The following ANO10 variants were observed in gnomAD, a reference collection of about 807,000 sequenced individuals.
ANO10 encodes anoctamin-10.
In ANO10, 77 loss-of-function variants were observed where a neutral mutation model predicts 74.7. The observed-to-expected ratio is 1.03, with a 90% CI of 0.86 to 1.25. The LOEUF is 1.25. Ranked by LOEUF, ANO10 falls within the 50% of genes most tolerant of loss-of-function variation. The pLI, the probability that ANO10 is intolerant of heterozygous loss-of-function variation, is 0.00. For missense variants in ANO10, 721 were observed against 778.1 expected (o/e 0.93, Z 0.87); for synonymous variants, 279 against 284.9 (o/e 0.98, Z 0.21).
intron 11 of ANO10, among the ~76,000 whole-genome samples, chr3:43,511,473 GA>G (rs2077506265): frequency 6.6e-6 from 1 of 152,198 alleles, no homozygotes; most frequent in Non-Finnish European, 1.5e-5. Context: ...CCCTATCTCT[GA>G]CTGAAAATAA....
At chr3:43,675,144 T>C (rs1249518370) in intron 1 of ANO10, among the ~76,000 whole-genome samples, 2 of 152,172 alleles carry the variant, frequency 1.3e-5, no homozygotes, top group African/African-American at 4.8e-5. Flanking sequence ...TTTTCCAATA[T>C]ATGGTGTTGG....
At chr3:43,453,760 A>G (rs887688415) in intron 11 of ANO10, among the ~76,000 whole-genome samples, 1 of 152,222 alleles carries the variant, frequency 6.6e-6, no homozygotes, top group Non-Finnish European at 1.5e-5. Flanking sequence ...GTTGAACACT[A>G]TATGTGAGAG....
At chr3:43,395,564 G>C (rs2092361109) in intron 12 of ANO10, among the ~76,000 whole-genome samples, 1 of 152,076 alleles carries the variant, frequency 6.6e-6, no homozygotes, top group Non-Finnish European at 1.5e-5. Flanking sequence ...CATGGTCTTT[G>C]CACTTTTGTC....
At chr3:43,685,999 T>C (rs550146057) in intron 1 of ANO10, among the ~76,000 whole-genome samples, 1 of 152,360 alleles carries the variant, frequency 6.6e-6, no homozygotes, top group Admixed American at 6.5e-5. Context: ...AAGAAGGTCT[T>C]TTATTCTGGT....
chr3:43,372,501 T>TG (rs1249818736), intron 12 of ANO10, among the ~76,000 whole-genome samples: 1 of 152,192 alleles, frequency 6.6e-6, no homozygotes, highest in East Asian at 1.9e-4. Flanking sequence ...ACCTTGGTTC[T>TG]GCTCCAGCCA....
intron 11 of ANO10, among the ~76,000 whole-genome samples, chr3:43,490,649 T>C (rs2149115626): frequency 6.6e-6 from 1 of 152,310 alleles, no homozygotes. Flanking sequence ...AATACCAAAG[T>C]ATGACAAAGA....
chr3:43,607,319 T>C (rs529087287), intron 1 of ANO10, among the ~76,000 whole-genome samples: 1 of 144,288 alleles, frequency 6.9e-6, no homozygotes, highest in Admixed American at 7.0e-5. Flanking sequence ...CTGGGCAACA[T>C]AGCAAGACCC....
At position 43,600,175 on chromosome 3, in the gene ANO10, G is replaced by T. The variant is rs534919517; in HGVS notation, c.337+209C>A. On this transcript the variant is annotated intron_variant, in intron 3 of 12. Coordinates refer to ENST00000292246, the MANE Select transcript of ANO10 (RefSeq NM_018075.5). The stretch of plus-strand genomic sequence containing the variant: ...ATACAGTTTTATTGAACACAGCCTC[G>T]CCCATTCATTTACTTATGGTCTATG... Among the ~76,000 whole-genome samples the T allele has an allele frequency of 5.3e-5, 8 of 152,260 alleles. No individual in the cohort carries two copies. In the South Asian group the frequency reaches 1.5e-3, roughly 28 times the overall value.
chr3:43,449,197 A>C (rs1328876801), intron 11 of ANO10, among the ~76,000 whole-genome samples: 1 of 151,874 alleles, frequency 6.6e-6, no homozygotes, highest in Non-Finnish European at 1.5e-5. Context: ...CTCATTGTTG[A>C]GTTTCAAGAG....
chr3:43,591,978 G>A lies in ANO10; in HGVS notation c.472+6554C>T, dbSNP rs556372141. Among the ~76,000 whole-genome samples the A allele has an allele frequency of 9.3e-3, 1,411 of 151,800 alleles. 15 individuals carry two copies. The highest frequency in any genetic ancestry group is 0.015 in the Non-Finnish European group (997 of 67,746). ...CTGTGCCTGGCTCAGAGGGTCCCAC[G>A]CCCACGGAGCCTTGCTCACTGCTAG... On this transcript the variant is annotated intron_variant, in intron 4 of 12. Transcript: ENST00000292246.
intron 11 of ANO10, among the ~76,000 whole-genome samples, chr3:43,518,286 T>C (rs185925448): frequency 1.3e-5 from 2 of 152,304 alleles, no homozygotes; most frequent in African/African-American, 2.4e-5. Flanking sequence ...TTGTGGAGAT[T>C]TCATGGACAT....
At chr3:43,637,669 A>G (rs2149562105) in intron 1 of ANO10, 1 of 151,674 alleles carries the variant, frequency 6.6e-6, no homozygotes, top group Admixed American at 6.6e-5. Flanking sequence ...TGAGCTTCAC[A>G]GCACTTTGTG....
intron 12 of ANO10, among the ~76,000 whole-genome samples, chr3:43,430,451 G>A (rs2148935888): frequency 6.6e-6 from 1 of 151,900 alleles, no homozygotes. Context: ...GAATTTTGTG[G>A]TGGTGGGGAG....
intron 12 of ANO10, among the ~76,000 whole-genome samples, chr3:43,411,419 G>C (rs1047314562): frequency 6.6e-6 from 1 of 152,168 alleles, no homozygotes; most frequent in Non-Finnish European, 1.5e-5. Context: ...TACTCTTTGA[G>C]AGACATAACG....
intron 1 of ANO10, among the ~76,000 whole-genome samples, chr3:43,682,281 A>G (rs1254699814): frequency 6.6e-6 from 1 of 152,234 alleles, no homozygotes; most frequent in Non-Finnish European, 1.5e-5. Flanking sequence ...ACAAACAACC[A>G]TCAGAGAATA....
At chr3:43,612,837 G>A (rs1417676639) in intron 1 of ANO10, among the ~76,000 whole-genome samples, 1 of 151,874 alleles carries the variant, frequency 6.6e-6, no homozygotes, top group Non-Finnish European at 1.5e-5. Flanking sequence ...GGTTTTGTCA[G>A]GGGCAAAAAA....
rs61084802 is a variant in ANO10, at chr3:43,614,771, CTATATATATATATA to C, written c.-12+7124_-12+7137del. Among the ~76,000 whole-genome samples the C allele has an allele frequency of 7.5e-3, 395 of 52,702 alleles. 22 individuals are homozygous for C. The highest frequency in any genetic ancestry group is 0.034 in the Middle Eastern group (2 of 58). 34.6% of individuals were successfully genotyped at this position (52,702 alleles called of 152,430 possible). On this transcript the variant is annotated intron_variant, in intron 1 of 12. Transcript: ENST00000292246. ...CCCAAATTCTTAGAAGAAAACTAAA[CTATATATATATATA>C]TATATATATATATATATAGGTTCAT...
intron 11 of ANO10, among the ~76,000 whole-genome samples, chr3:43,452,167 TA>T (rs925345353): frequency 1.3e-5 from 2 of 152,186 alleles, no homozygotes; most frequent in Non-Finnish European, 2.9e-5. Flanking sequence ...TTCTTGTTTT[TA>T]AAAAAACCAA....
intron 12 of ANO10, among the ~76,000 whole-genome samples, chr3:43,417,924 A>G (rs932697888): frequency 6.6e-6 from 1 of 152,238 alleles, no homozygotes; most frequent in East Asian, 1.9e-4. Flanking sequence ...GATAACAGCA[A>G]TGATATCAAA....
Sources: gnomAD v4.1 joint callset for allele counts (sites outside exome capture counted in the v4.1 genomes callset) on GRCh38, gnomAD v4.1.1 for gene constraint, MANE v1.5 for transcripts, NCBI Gene and HGNC (gene_info 2026-07-23, HGNC 2026-07-21) for gene names.